HLTF: variants seen among roughly 807,000 people sequenced by gnomAD.
HLTF encodes helicase like transcription factor, also known as DNA-dependent ATPase/E3 ubiquitin-protein ligase HLTF.
Under a neutral mutation model 129.4 loss-of-function variants are expected in HLTF, and 127 were observed. That is an observed-to-expected ratio of 0.98 (90% CI 0.85 to 1.14). The LOEUF (loss-of-function observed/expected upper bound fraction) is 1.14. Ranked by LOEUF, HLTF falls within the 50% of genes most tolerant of loss-of-function variation. The probability of loss-of-function intolerance (pLI) is 0.00; values close to 1 mark genes in which losing one functional copy is unlikely to be tolerated. For synonymous variants in HLTF, 332 were observed against 388.8 expected, an observed-to-expected ratio of 0.85 and a Z score of 1.72; for missense variants, 1,139 against 1,187.1, an observed-to-expected ratio of 0.96 and a Z score of 0.60.
chr3:149,083,574 G>T (rs181349599), intron 2 of HLTF: 1 of 151,892 alleles, frequency 6.6e-6, no homozygotes, highest in Non-Finnish European at 1.5e-5. Flanking sequence ...ATGCATATGA[G>T]AGCCAGAGAA....
At position 149,064,881 on chromosome 3, in the gene HLTF, A is replaced by G. The variant is rs963233037; in HGVS notation, c.991-15T>C. 4.1e-6 allele frequency: 6 copies of G among 1,467,154 alleles called. No individual in the cohort carries two copies. Among genetic ancestry groups the G allele is most frequent in the Middle Eastern group, 1.7e-4 (1 of 5,768 alleles). The allele number at this position is 1,467,154 out of a possible 1,614,324, so 90.9% of individuals were successfully genotyped here. On this transcript the variant is annotated splice_polypyrimidine_tract_variant and intron_variant, in intron 8 of 24. Coordinates refer to ENST00000310053, the MANE Select transcript of HLTF (RefSeq NM_003071.4). Reference sequence around the variant, plus strand: ...ACATTATATTCCTGGGTAAATAGGCATATTTCTTAAACAGTACTGCTATCA... The same window carrying G: ...ACATTATATTCCTGGGTAAATAGGCGTATTTCTTAAACAGTACTGCTATCA...
In HLTF at chr3:149,086,494, T is replaced by C. The variant is rs1720444016; in HGVS notation, c.-158A>G. On this transcript the variant is annotated 5_prime_UTR_variant, in exon 1 of 25. Coordinates refer to ENST00000310053, the MANE Select transcript of HLTF (RefSeq NM_003071.4). ...CGACTGAAAGGTAAGTCGCCGCGAG[T>C]CCAGTCAGACGTCGACGCCGTCTCC... is the stretch of plus-strand genomic sequence containing the variant. 1.3e-6 allele frequency: 1 copy of C among 746,214 alleles called. No homozygotes were observed. The highest frequency in any genetic ancestry group is 2.2e-6 in the Non-Finnish European group (1 of 452,240). The allele number at this position is 746,214 out of a possible 1,614,324, so 46.2% of individuals were successfully genotyped here.
chr3:149,048,059 G>A lies in HLTF; in HGVS notation c.1861C>T (p.Pro621Ser). Residue 621 changes from proline (P) to serine (S), a missense_variant, in exon 17 of 25, where the codon CCT becomes TCT. Pro to Ser is a moderately conservative substitution (Grantham distance 74, BLOSUM62 -1). Coordinates refer to ENST00000310053, the MANE Select transcript of HLTF (RefSeq NM_003071.4). The stretch of plus-strand genomic sequence containing the variant: ...CCTCCTTCATCTCCCATTGTGACAG[G>A]ACGCTGTATTGTTCTATGCCACCAT... ...REWWHRTIQR[P>S]VTMGDEGGLR... 3.1e-6 allele frequency: 5 copies of A among 1,607,984 alleles called. No individual in the cohort carries two copies. Among genetic ancestry groups the A allele is most frequent in the Non-Finnish European group, 4.2e-6 (5 of 1,177,732 alleles).
chr3:149,058,959 C>T (rs1717699276), intron 13 of HLTF, among the ~76,000 whole-genome samples: 1 of 152,148 alleles, frequency 6.6e-6, no homozygotes, highest in South Asian at 2.1e-4. Context: ...ACCCAACATG[C>T]CTATATTTTC....
chr3:149,072,450 C>T (rs1033235199), intron 5 of HLTF, among the ~76,000 whole-genome samples: 1 of 152,214 alleles, frequency 6.6e-6, no homozygotes, highest in East Asian at 1.9e-4. Context: ...CAATAAGGAA[C>T]TTGCCATGCA....
At chr3:149,035,705 G>C (rs1715547226) in intron 23 of HLTF, among the ~76,000 whole-genome samples, 1 of 105,640 alleles carries the variant, frequency 9.5e-6, no homozygotes, top group South Asian at 2.9e-4. Flanking sequence ...GAGTCAGTAA[G>C]TCCTAAAAAT....
intron 2 of HLTF, among the ~76,000 whole-genome samples, chr3:149,083,414 G>A (rs1424830358): frequency 6.6e-6 from 1 of 151,852 alleles, no homozygotes; most frequent in African/African-American, 2.4e-5. Context: ...GTTTACCGAA[G>A]TCATAGAGAT....
rs576946831 is a variant in HLTF, at chr3:149,045,108, T to TAA, written c.2072+971_2072+972insTT. Among the ~76,000 whole-genome samples, 573 of 152,298 alleles carry TAA rather than the reference T, an allele frequency of 3.8e-3. 4 individuals are homozygous for TAA. The highest frequency in any genetic ancestry group is 0.013 in the African/African-American group (539 of 41,574). On this transcript the variant is annotated intron_variant, in intron 18 of 24. Transcript: ENST00000310053. ...TACCCCCATTCCAATAAATCTCTGA[T>TAA]ATCATGACTATTTTCTCTCGTTCAT...
chr3:149,081,265 T>C (rs1462496809), intron 2 of HLTF, among the ~76,000 whole-genome samples: 1 of 129,874 alleles, frequency 7.7e-6, no homozygotes, highest in Non-Finnish European at 1.7e-5. Context: ...GAAAACACAC[T>C]AAAAAAAAAA....
rs552704676 is a variant in HLTF at position 149,031,273 on chromosome 3, G to A, written c.*947C>T. Reference sequence around the variant, plus strand: ...ACACATAACAATTGTTTACATTCAGGATTAAGATGTCTTTAAGAGTTGAAA... The same window carrying A: ...ACACATAACAATTGTTTACATTCAGAATTAAGATGTCTTTAAGAGTTGAAA... On this transcript the variant is annotated 3_prime_UTR_variant, in exon 25 of 25. Coordinates refer to ENST00000310053, the MANE Select transcript of HLTF (RefSeq NM_003071.4). 4 of 152,610 alleles carry A rather than the reference G, an allele frequency of 2.6e-5. No homozygotes were observed. The East Asian group carries it at 7.7e-4, about 29-fold the overall frequency. The allele number at this position is 152,610 out of a possible 1,614,324, so 9.5% of individuals were successfully genotyped here.
At chr3:149,058,475 TCTC>T (rs1465640632) in intron 13 of HLTF, among the ~76,000 whole-genome samples, 1 of 152,232 alleles carries the variant, frequency 6.6e-6, no homozygotes, top group Non-Finnish European at 1.5e-5. Context: ...CTTTGACTAT[TCTC>T]CTATTGGGTG....
In HLTF at chr3:149,032,873, G is replaced by C. The variant is rs538532024; in HGVS notation, c.2878-501C>G. On this transcript the variant is annotated intron_variant, in intron 24 of 24. Coordinates refer to ENST00000310053, the MANE Select transcript of HLTF (RefSeq NM_003071.4). Reference sequence around the variant, plus strand: ...AGCTACTCGGGAGGCTGAGGCAGGAGAATGGTGTGAACCCGGGAGGCGGAG... The same window carrying C: ...AGCTACTCGGGAGGCTGAGGCAGGACAATGGTGTGAACCCGGGAGGCGGAG... Among the ~76,000 whole-genome samples the C allele has an allele frequency of 9.8e-4, 146 of 148,902 alleles. 1 individual carries two copies. Among genetic ancestry groups the C allele is most frequent in the Non-Finnish European group, 7.4e-5 (5 of 67,728 alleles).
intron 10 of HLTF, among the ~76,000 whole-genome samples, chr3:149,062,702 C>T (rs1479158659): frequency 6.6e-6 from 1 of 152,152 alleles, no homozygotes; most frequent in Non-Finnish European, 1.5e-5. Flanking sequence ...CTTATTTCCA[C>T]TACATGTGAA....
intron 13 of HLTF, among the ~76,000 whole-genome samples, chr3:149,057,016 G>C (rs1427713519): frequency 2.0e-5 from 3 of 148,298 alleles, no homozygotes; most frequent in African/African-American, 7.5e-5. Flanking sequence ...GGCTGAGGCA[G>C]GAGAATGGCG....
chr3:149,069,355 C>A (rs1446201767), intron 7 of HLTF, among the ~76,000 whole-genome samples: 1 of 151,644 alleles, frequency 6.6e-6, no homozygotes, highest in Non-Finnish European at 1.5e-5. Flanking sequence ...CCTGTAATCC[C>A]AGCTACTTGG....
At chr3:149,080,599 A>G (rs1212632136) in intron 2 of HLTF, among the ~76,000 whole-genome samples, 2 of 152,266 alleles carry the variant, frequency 1.3e-5, no homozygotes, top group South Asian at 2.1e-4. Flanking sequence ...ATACATAACC[A>G]AAATAAAAAA....
intron 23 of HLTF, among the ~76,000 whole-genome samples, chr3:149,035,713 A>G (rs1715549512): frequency 6.6e-6 from 1 of 151,384 alleles, no homozygotes; most frequent in African/African-American, 2.4e-5. Flanking sequence ...AAGTCCTAAA[A>G]ATTATTTTTT....
In HLTF at chr3:149,046,129, T is replaced by C. The variant is rs777212216; in HGVS notation, c.2023A>G (p.Arg675Gly). ...TTTTTCACAGACTGATAAATCTTTC[T>C]CTCTTCATCTGAAAGTGTAATGTGC... ...IQHITLSDEE[R>G]KIYQSVKNEG... The change falls in exon 18 of 25, where the codon AGA (arginine) becomes GGA (glycine). Residue 675 changes from arginine to glycine, a missense_variant. Arg to Gly is a moderately radical substitution (Grantham distance 125). Transcript: ENST00000310053. 2.5e-6 allele frequency: 4 copies of C among 1,611,572 alleles called. No homozygotes were observed. In the South Asian group the frequency reaches 4.4e-5, roughly 18 times the overall value.
intron 5 of HLTF, 95 bp downstream of exon 5, chr3:149,073,130 A>G (rs574325844): frequency 1.6e-6 from 1 of 626,414 alleles, no homozygotes; most frequent in Middle Eastern, 3.3e-4. Flanking sequence ...GAAGACCACA[A>G]ATACCCACAC....
Sources: gnomAD v4.1 joint callset for allele counts (sites outside exome capture counted in the v4.1 genomes callset) on GRCh38, gnomAD v4.1.1 for gene constraint, MANE v1.5 for transcripts, NCBI Gene and HGNC (gene_info 2026-07-23, HGNC 2026-07-21) for gene names.